Variants in MAP7D2 observed in about 807,000 individuals in gnomAD.
MAP7D2 encodes the protein MAP7 domain containing 2, also known as MAP7 domain-containing protein 2.
Under a neutral mutation model 63.5 loss-of-function variants are expected in MAP7D2, and 33 were observed. That is an observed-to-expected ratio of 0.52 (90% CI 0.39 to 0.70). The LOEUF (loss-of-function observed/expected upper bound fraction) is 0.70, where lower values mean the gene tolerates loss of function less well. Among genes scored for constraint, MAP7D2 ranks in the 30% least tolerant of loss-of-function variants. MAP7D2 has a pLI of 0.00. For synonymous variants in MAP7D2, 224 were observed against 223.7 expected, an observed-to-expected ratio of 1.00 and a Z score of -0.01; for missense variants, 626 against 604.0, an observed-to-expected ratio of 1.04 and a Z score of -0.38.
intron 1 of MAP7D2, among the ~76,000 whole-genome samples, chrX:20,081,458 C>G (rs1280640203): frequency 9.0e-6 from 1 of 111,628 alleles, no homozygotes; most frequent in Non-Finnish European, 1.9e-5. Flanking sequence ...ACTGCAAGCT[C>G]TTTGTCTCAA....
At chrX:20,042,143 G>A (rs1476081166) in intron 8 of MAP7D2, among the ~76,000 whole-genome samples, 1 of 111,495 alleles carries the variant, frequency 9.0e-6, no homozygotes, top group Non-Finnish European at 1.9e-5. Flanking sequence ...ACAACAAGGT[G>A]GGGGAGAATG....
At chrX:20,060,426 GAGAGAGAGAAAGAAAGAAAGAA>G (rs1370137963) in intron 3 of MAP7D2, among the ~76,000 whole-genome samples, 8 of 72,103 alleles carry the variant, frequency 1.1e-4, no homozygotes, top group African/African-American at 4.0e-4. Flanking sequence ...AAGAGAGAGA[GAGAGAGAGAAAGAAAGAAAGAA>G]AGAAAGAAAG....
At chrX:20,065,142 G>A (rs2065319654) in intron 1 of MAP7D2, among the ~76,000 whole-genome samples, 1 of 112,001 alleles carries the variant, frequency 8.9e-6, no homozygotes, top group Non-Finnish European at 1.9e-5. Context: ...GTGCAGAGAA[G>A]CCCACTAGGC....
chrX:20,083,027 G>T (rs931132037), intron 1 of MAP7D2, among the ~76,000 whole-genome samples: 1 of 112,011 alleles, frequency 8.9e-6, no homozygotes, highest in African/African-American at 3.2e-5. Flanking sequence ...CAGCCTCGCA[G>T]TTATCTCTAG....
At chrX:20,009,532 C>T (rs536787453) in intron 16 of MAP7D2, among the ~76,000 whole-genome samples, 1 of 108,602 alleles carries the variant, frequency 9.2e-6, no homozygotes, top group African/African-American at 3.4e-5. Context: ...GGCATGGCGG[C>T]GTGCACCTGT....
chrX:20,026,186 T>A (rs114251908), intron 8 of MAP7D2, among the ~76,000 whole-genome samples: 1 of 111,647 alleles, frequency 9.0e-6, no homozygotes, highest in South Asian at 3.8e-4. Context: ...CAGCTGATGA[T>A]GCCATGTCCT....
In MAP7D2 at chrX:20,025,067, T is replaced by C. The variant is rs745532956; in HGVS notation, c.1296A>G (p.Thr432=). Residue 432 remains threonine (T), a synonymous_variant, in exon 10 of 17, where the codon ACA becomes ACG. Coordinates refer to ENST00000379643, the MANE Select transcript of MAP7D2 (RefSeq NM_001168465.2). ...CCTCTCCTGCATCAGTGGTGCCTGC[T>C]GTGGGCTTCCCCAAGGCTGCACCAG... ...AENSAALGKP[T]AGTTDAGEAA... 6.6e-6 allele frequency: 8 copies of C among 1,207,301 alleles called. No homozygotes were observed. Among genetic ancestry groups the C allele is most frequent in the Non-Finnish European group, 7.8e-6 (7 of 894,527 alleles).
intron 1 of MAP7D2, among the ~76,000 whole-genome samples, chrX:20,078,155 T>G (rs970290840): frequency 2.7e-5 from 3 of 112,233 alleles, no homozygotes; most frequent in Non-Finnish European, 5.6e-5. Flanking sequence ...AGTTATAAAA[T>G]TCAACAGTGC....
intron 7 of MAP7D2, among the ~76,000 whole-genome samples, chrX:20,043,287 A>G (rs2064710495): frequency 8.9e-6 from 1 of 112,733 alleles, no homozygotes; most frequent in Non-Finnish European, 1.9e-5. Context: ...TTGAAAAGAA[A>G]ATATGGCATT....
chrX:20,047,967 G>A (rs1163836553), intron 6 of MAP7D2, among the ~76,000 whole-genome samples: 4 of 111,398 alleles, frequency 3.6e-5, no homozygotes, highest in Non-Finnish European at 7.5e-5. Flanking sequence ...AATACTGCAG[G>A]ATGGTCTCAC....
At chrX:20,059,665 T>C (rs1603380117) in intron 3 of MAP7D2, among the ~76,000 whole-genome samples, 1 of 64,261 alleles carries the variant, frequency 1.6e-5, no homozygotes, top group African/African-American at 6.5e-5. Flanking sequence ...GAAGGAAAGA[T>C]AGGAAGGAAG....
intron 1 of MAP7D2, among the ~76,000 whole-genome samples, chrX:20,114,704 C>T (rs1056293492): frequency 8.9e-6 from 1 of 112,227 alleles, no homozygotes; most frequent in African/African-American, 3.2e-5. Flanking sequence ...ACTCATATCC[C>T]CTAAGTGTGC....
At chrX:20,109,984 C>T (rs934313417) in intron 1 of MAP7D2, among the ~76,000 whole-genome samples, 11 of 108,609 alleles carry the variant, frequency 1.0e-4, no homozygotes, top group Non-Finnish European at 1.9e-4. Context: ...TGCAGTGAGC[C>T]GAGATTGCAC....
At position 20,064,766 on chromosome X, in the gene MAP7D2, A is replaced by G. The variant is rs758578008; in HGVS notation, c.170T>C (p.Leu57Ser). Reference protein sequence around the residue: ...GFLKSDERQRLAKERREEREK... With the variant: ...GFLKSDERQRSAKERREEREK... ...TCTTTCTTCTCGTCTTTCTTTGGCC[A>G]ATCTCTGCCTCTCATCTGATTTCAA... The change falls in exon 2 of 17, where the codon TTG becomes TCG. Residue 57 changes from leucine (L) to serine (S), a missense_variant. Leu to Ser is a moderately radical substitution (Grantham distance 145). Transcript: ENST00000379643. 1 of 1,211,360 alleles carries G rather than the reference A, an allele frequency of 8.3e-7. No homozygotes were observed. Among genetic ancestry groups the G allele is most frequent in the East Asian group, 3.0e-5 (1 of 33,853 alleles).
At chrX:20,029,756 C>G (rs1458328701) in intron 8 of MAP7D2, among the ~76,000 whole-genome samples, 3 of 108,700 alleles carry the variant, frequency 2.8e-5, no homozygotes, top group Non-Finnish European at 5.7e-5. Context: ...ACAAACATGA[C>G]CTTCAAATTA....
chrX:20,060,605 C>T (rs889818836), intron 3 of MAP7D2, among the ~76,000 whole-genome samples: 1 of 111,407 alleles, frequency 9.0e-6, no homozygotes, highest in African/African-American at 3.3e-5. Flanking sequence ...AATGGGCTGG[C>T]ATACTGTGTT....
intron 1 of MAP7D2, among the ~76,000 whole-genome samples, chrX:20,112,138 AG>A (rs1273838003): frequency 2.7e-5 from 3 of 111,908 alleles, no homozygotes; most frequent in African/African-American, 9.7e-5. Flanking sequence ...CAAAGGAGCA[AG>A]GAACATTCCA....
intron 8 of MAP7D2, among the ~76,000 whole-genome samples, chrX:20,035,726 TAAAAAC>T (rs1236978024): frequency 9.2e-6 from 1 of 109,038 alleles, no homozygotes; most frequent in Admixed American, 9.9e-5. Flanking sequence ...CCATCTCTAC[TAAAAAC>T]AAAAACAAAA....
intron 1 of MAP7D2, among the ~76,000 whole-genome samples, chrX:20,107,951 C>T (rs2066616617): frequency 8.9e-6 from 1 of 111,855 alleles, no homozygotes; most frequent in Admixed American, 9.5e-5. Flanking sequence ...AACTATTAAT[C>T]TAAAGTTAAA....
Sources: gnomAD v4.1 joint callset for allele counts (sites outside exome capture counted in the v4.1 genomes callset) on GRCh38, gnomAD v4.1.1 for gene constraint, MANE v1.5 for transcripts, NCBI Gene and HGNC (gene_info 2026-07-23, HGNC 2026-07-21) for gene names.